Variants in ANO2 observed in about 807,000 individuals in gnomAD.
ANO2 encodes anoctamin 2.
ANO2 carries 101 observed loss-of-function variants against 124.2 expected under a neutral mutation model. The ratio of observed to expected loss-of-function variants is 0.81; its 90% CI spans 0.69 to 0.96. ANO2 has a LOEUF of 0.96. ANO2 is among the 40% of genes least tolerant of loss of function. The pLI is 0.00. For synonymous variants in ANO2, 486 were observed against 482.5 expected (o/e 1.01, Z -0.09); for missense variants, 1,293 against 1,274.5 (o/e 1.01, Z -0.22).
intron 16 of ANO2, among the ~76,000 whole-genome samples, chr12:5,634,181 T>C (rs1203994504): frequency 6.6e-6 from 1 of 152,154 alleles, no homozygotes; most frequent in African/African-American, 2.4e-5. Context: ...AAGCTGCCGA[T>C]AGCAACACAG....
intron 1 of ANO2, among the ~76,000 whole-genome samples, chr12:5,943,257 G>A (rs1694796213): frequency 7.0e-6 from 1 of 141,966 alleles, no homozygotes; most frequent in African/African-American, 2.6e-5. Context: ...AATGTGGGAT[G>A]TCTGTGTTTG....
At chr12:5,870,531 A>G (rs1394634154) in intron 3 of ANO2, 2 of 152,266 alleles carry the variant, frequency 1.3e-5, no homozygotes, top group Non-Finnish European at 2.9e-5. Context: ...GCACCTTAGC[A>G]TGAAGAACTA....
chr12:5,827,092 G>A (rs1382699129), intron 7 of ANO2, among the ~76,000 whole-genome samples: 1 of 152,166 alleles, frequency 6.6e-6, no homozygotes, highest in African/African-American at 2.4e-5. Context: ...GTCTCATGGG[G>A]TTATGGGCAC....
At chr12:5,930,370 C>T (rs941997186) in intron 1 of ANO2, among the ~76,000 whole-genome samples, 3 of 152,098 alleles carry the variant, frequency 2.0e-5, no homozygotes, top group Non-Finnish European at 4.4e-5. Context: ...GTGCTTGGAG[C>T]CTGGCATGAT....
intron 3 of ANO2, among the ~76,000 whole-genome samples, chr12:5,860,347 A>T (rs1007317563): frequency 6.6e-6 from 1 of 152,148 alleles, no homozygotes; most frequent in Admixed American, 6.5e-5. Context: ...GTCACTAAGC[A>T]TCTCATACCC....
chr12:5,944,623 G>C (rs1484498731), intron 1 of ANO2, among the ~76,000 whole-genome samples: 1 of 152,144 alleles, frequency 6.6e-6, no homozygotes, highest in Non-Finnish European at 1.5e-5. Flanking sequence ...AAGTCCCTCG[G>C]GAAGGTATAG....
At chr12:5,662,044 G>T (rs558707375) in intron 14 of ANO2, among the ~76,000 whole-genome samples, 1 of 152,212 alleles carries the variant, frequency 6.6e-6, no homozygotes, top group African/African-American at 2.4e-5. Flanking sequence ...CCACCCTCAA[G>T]CTGATTACAG....
At chr12:5,646,617 T>C (rs1946652611) in intron 15 of ANO2, among the ~76,000 whole-genome samples, 1 of 152,184 alleles carries the variant, frequency 6.6e-6, no homozygotes, top group Non-Finnish European at 1.5e-5. Flanking sequence ...TGCGGGGGGC[T>C]TTGAAGTGCT....
At chr12:5,699,753 A>C (rs922021929) in intron 14 of ANO2, among the ~76,000 whole-genome samples, 1 of 152,216 alleles carries the variant, frequency 6.6e-6, no homozygotes, top group African/African-American at 2.4e-5. Context: ...AGATCTACCA[A>C]GCAAATGGAA....
chr12:5,939,213 C>CAAAAA (rs34787622), intron 1 of ANO2, among the ~76,000 whole-genome samples: 1,420 of 83,320 alleles, frequency 0.017, 30 homozygotes, highest in Middle Eastern at 0.031. Context: ...AAGACTCCAA[C>CAAAAA]AAAAAAAAAA....
At chr12:5,580,022 G>A (rs1339731621) in intron 20 of ANO2, among the ~76,000 whole-genome samples, 2 of 152,110 alleles carry the variant, frequency 1.3e-5, no homozygotes, top group Admixed American at 1.3e-4. Context: ...ATTTCCCACT[G>A]AGAAGGCAAG....
At chr12:5,790,661 C>A (rs935128177) in intron 10 of ANO2, among the ~76,000 whole-genome samples, 2 of 152,192 alleles carry the variant, frequency 1.3e-5, no homozygotes, top group Admixed American at 1.3e-4. Context: ...CACTGCCACA[C>A]AAAGCTTTGT....
intron 14 of ANO2, among the ~76,000 whole-genome samples, chr12:5,731,637 G>A (rs753810092): frequency 1.3e-5 from 2 of 151,578 alleles, no homozygotes; most frequent in African/African-American, 2.4e-5. Context: ...AAAGACAGGT[G>A]GCACACAGAG....
intron 3 of ANO2, among the ~76,000 whole-genome samples, chr12:5,875,612 C>T (rs917781135): frequency 2.0e-5 from 3 of 152,226 alleles, no homozygotes; most frequent in African/African-American, 7.2e-5. Flanking sequence ...ATAACTACCA[C>T]TAACGCATTC....
At chr12:5,827,700 T>C in intron 7 of ANO2, 69 bp downstream of exon 7, 1 of 1,519,966 alleles carries the variant, frequency 6.6e-7, no homozygotes, top group Non-Finnish European at 9.0e-7. Context: ...CCAAGGGAGC[T>C]GTTGAAAGCA....
chr12:5,828,654 C>T (rs1259589434), intron 6 of ANO2, among the ~76,000 whole-genome samples: 1 of 152,214 alleles, frequency 6.6e-6, no homozygotes, highest in Non-Finnish European at 1.5e-5. Flanking sequence ...AAACAGCCTA[C>T]AGAATCCCCT....
intron 3 of ANO2, among the ~76,000 whole-genome samples, chr12:5,913,571 A>G (rs1474208361): frequency 6.6e-6 from 1 of 152,228 alleles, no homozygotes; most frequent in Non-Finnish European, 1.5e-5. Flanking sequence ...AAACTACTAT[A>G]AAGTGCTTGG....
chr12:5,744,177 G>C lies in ANO2; in HGVS notation c.1331C>G (p.Ser444Cys). The part of the protein sequence containing the change: ...LFDNPATVFF[S>C]IFMALWATMF... The stretch of plus-strand genomic sequence containing the variant: ...CATACCCCACAGAGCCATGAAGATA[G>C]AGAAGAAGACGGTGGCAGGGTTGTC... Residue 444 changes from serine (S) to cysteine (C), a missense_variant, in exon 12 of 25, where the codon TCT (serine) becomes TGT (cysteine). Ser to Cys is a moderately radical substitution (Grantham distance 112). Coordinates refer to ENST00000682330, the MANE Select transcript of ANO2 (RefSeq NM_001364791.2). 6.2e-7 allele frequency: 1 copy of C among 1,613,986 alleles called. No homozygotes were observed. The highest frequency in any genetic ancestry group is 8.5e-7 in the Non-Finnish European group (1 of 1,179,884).
In ANO2 at chr12:5,904,473, G is replaced by A. The variant is rs546400133; in HGVS notation, c.534+16567C>T. Reference sequence around the variant, plus strand: ...AAGGCTGAGTGTGCCCAGGGCAGACGCCTCGCAGGCCCACCATCACCTCTC... The same window carrying A: ...AAGGCTGAGTGTGCCCAGGGCAGACACCTCGCAGGCCCACCATCACCTCTC... On this transcript the variant is annotated intron_variant, in intron 3 of 24. Transcript: ENST00000682330. The surrounding 1 kb of genome is among the most constrained non-coding windows in gnomAD (Gnocchi z 4.1). 2.7e-4 allele frequency among the ~76,000 whole-genome samples: 41 copies of A among 152,308 alleles called. No homozygotes were observed. The highest frequency in any genetic ancestry group is 8.9e-4 in the African/African-American group (37 of 41,570).
Sources: allele counts gnomAD v4.1 joint callset (sites outside exome capture counted in the v4.1 genomes callset), GRCh38; gene constraint gnomAD v4.1.1; non-coding constraint Gnocchi (gnomAD v3.1); transcripts MANE v1.5; gene names NCBI Gene and HGNC (gene_info 2026-07-23, HGNC 2026-07-21).